Variants in USH2A observed in about 807,000 individuals in gnomAD.
USH2A encodes the protein usherin, also known as Usher syndrome 2A (autosomal recessive, mild).
Under a neutral mutation model 538.9 loss-of-function variants are expected in USH2A, and 443 were observed. That is an observed-to-expected ratio of 0.82 (90% CI 0.76 to 0.89). The LOEUF is 0.89. Ranked by LOEUF, USH2A falls within the 40% of genes least tolerant of loss-of-function variation. USH2A has a pLI of 0.00. For missense variants in USH2A, 6,633 were observed against 6,324.8 expected, an observed-to-expected ratio of 1.05 and a Z score of -1.65; for synonymous variants, 2,413 against 2,273.5, an observed-to-expected ratio of 1.06 and a Z score of -1.75.
chr1:216,267,128 C>A (rs2036488703), intron 11 of USH2A, among the ~76,000 whole-genome samples: 1 of 151,798 alleles, frequency 6.6e-6, no homozygotes. Flanking sequence ...AAGAGGAGGG[C>A]ACAGAAAAAG....
intron 60 of USH2A, among the ~76,000 whole-genome samples, chr1:215,736,935 A>G (rs999392471): frequency 9.2e-5 from 14 of 151,994 alleles, no homozygotes; most frequent in African/African-American, 3.4e-4. Flanking sequence ...TCTAGTAAAG[A>G]CAAATCCTCA....
At chr1:215,757,053 G>A (rs1475464083) in intron 58 of USH2A, among the ~76,000 whole-genome samples, 7 of 151,846 alleles carry the variant, frequency 4.6e-5, no homozygotes, top group Non-Finnish European at 7.4e-5. Flanking sequence ...TTCCTCTATC[G>A]AAATTAAGAA....
intron 43 of USH2A, among the ~76,000 whole-genome samples, chr1:215,874,730 G>A (rs1664713566): frequency 6.6e-6 from 1 of 152,116 alleles, no homozygotes; most frequent in Admixed American, 6.5e-5. Context: ...ATGTAACTAT[G>A]GTGATATTCA....
intron 37 of USH2A, among the ~76,000 whole-genome samples, chr1:215,958,390 C>A (rs1172586133): frequency 1.3e-5 from 2 of 152,150 alleles, no homozygotes; most frequent in Non-Finnish European, 2.9e-5. Flanking sequence ...TTTTTCGGAA[C>A]TGTAGTTAAA....
chr1:216,044,554 T>G (rs2030430236), intron 32 of USH2A, among the ~76,000 whole-genome samples: 1 of 152,142 alleles, frequency 6.6e-6, no homozygotes, highest in African/African-American at 2.4e-5. Context: ...GAACTCTGTG[T>G]TGTACAGGAG....
chr1:215,965,244 A>G (rs1056018109), intron 37 of USH2A, 73 bp downstream of exon 37: 8 of 1,514,324 alleles, frequency 5.3e-6, no homozygotes, highest in Middle Eastern at 4.2e-4. Context: ...GATTTTAGCC[A>G]AAAGAAAGAT....
intron 61 of USH2A, among the ~76,000 whole-genome samples, chr1:215,698,665 A>C (rs1230090234): frequency 2.6e-5 from 4 of 151,650 alleles, no homozygotes; most frequent in Non-Finnish European, 5.9e-5. Context: ...CTTTTTGATG[A>C]GGTTATTTGT....
In USH2A at chr1:215,624,226, C is replaced by G. The variant is rs771117507; in HGVS notation, c.*1555G>C. On this transcript the variant is annotated 3_prime_UTR_variant, in exon 72 of 72. Transcript: ENST00000307340. ...AAGGTGGTAGAACTTCTGCTTAATACTGGCCTGTGCTTTTGACACTTATGG... is the reference window on the plus strand; with the variant it reads ...AAGGTGGTAGAACTTCTGCTTAATAGTGGCCTGTGCTTTTGACACTTATGG... 4 of 152,134 alleles carry G rather than the reference C, an allele frequency of 2.6e-5. No individual in the cohort carries two copies. Among genetic ancestry groups the G allele is most frequent in the African/African-American group, 4.8e-5 (2 of 41,442 alleles). The allele number at this position is 152,134 out of a possible 1,614,324, so 9.4% of individuals were successfully genotyped here. A position where few individuals can be genotyped will look rare whatever the true frequency, so the allele number is the denominator to read the frequency against.
chr1:216,408,624 C>T (rs2102769707), intron 3 of USH2A, among the ~76,000 whole-genome samples: 1 of 152,178 alleles, frequency 6.6e-6, no homozygotes, highest in East Asian at 1.9e-4. Flanking sequence ...GATCTTTTCT[C>T]TTTCATTTGT....
chr1:216,333,945 A>G (rs1247730492), intron 4 of USH2A, among the ~76,000 whole-genome samples: 2 of 152,134 alleles, frequency 1.3e-5, no homozygotes, highest in East Asian at 3.9e-4. Context: ...GACTTGCTCT[A>G]CAAGAAATAC....
At chr1:215,835,164 C>CAA (rs34758891) in intron 47 of USH2A, among the ~76,000 whole-genome samples, 756 of 55,912 alleles carry the variant, frequency 0.014, 11 homozygotes, top group African/African-American at 0.024. Flanking sequence ...AGTGATGCAC[C>CAA]AAAAAAAAAA....
chr1:216,185,036 T>C (rs940417214), intron 20 of USH2A, among the ~76,000 whole-genome samples: 43 of 151,902 alleles, frequency 2.8e-4, no homozygotes, highest in African/African-American at 9.7e-4. Flanking sequence ...CAATTTGCAA[T>C]GGGTGGAAAT....
At chr1:216,310,882 T>C (rs544829182) in intron 9 of USH2A, among the ~76,000 whole-genome samples, 1 of 152,360 alleles carries the variant, frequency 6.6e-6, no homozygotes, top group South Asian at 2.1e-4. Context: ...AGTTTCCTAC[T>C]GCTGTTTTTC....
At chr1:216,181,139 T>C (rs1239703187) in intron 20 of USH2A, among the ~76,000 whole-genome samples, 1 of 152,116 alleles carries the variant, frequency 6.6e-6, no homozygotes, top group Non-Finnish European at 1.5e-5. Flanking sequence ...TACTAGAAGA[T>C]CTGGAAAGGA....
intron 21 of USH2A, among the ~76,000 whole-genome samples, chr1:216,103,166 T>C (rs1484343149): frequency 6.6e-6 from 1 of 152,210 alleles, no homozygotes; most frequent in East Asian, 1.9e-4. Flanking sequence ...TAATCCTGGC[T>C]GGGATTTAGA....
At position 216,199,887 on chromosome 1, in the gene USH2A, A is replaced by C; in HGVS notation, c.3551T>G (p.Leu1184Trp). 6.2e-7 allele frequency: 1 copy of C among 1,614,184 alleles called. No individual in the cohort carries two copies. The highest frequency in any genetic ancestry group is 2.2e-5 in the East Asian group (1 of 44,860). ...ACCACCAGCCAAAGGGGCACAGGAC[A>C]AAATATATTTCTCTATGGGACCAGA... is the stretch of plus-strand genomic sequence containing the variant. Reference protein sequence around the residue: ...NQSGPIEKYILSCAPLAGGQP... With the variant: ...NQSGPIEKYIWSCAPLAGGQP... The change falls in exon 17 of 72, where the codon TTG (leucine) becomes TGG (tryptophan). Residue 1184 changes from leucine to tryptophan, a missense_variant. Physicochemically the swap from Leu to Trp is moderately conservative, Grantham distance 61. Coordinates refer to ENST00000307340, the MANE Select transcript of USH2A (RefSeq NM_206933.4).
chr1:215,789,701 A>C (rs1045506031), intron 51 of USH2A, among the ~76,000 whole-genome samples: 1 of 152,134 alleles, frequency 6.6e-6, no homozygotes, highest in African/African-American at 2.4e-5. Context: ...TAGGGAGAAG[A>C]AGCGGGAATT....
intron 50 of USH2A, among the ~76,000 whole-genome samples, chr1:215,792,486 CTG>C (rs1281394502): frequency 6.6e-6 from 1 of 152,172 alleles, no homozygotes; most frequent in African/African-American, 2.4e-5. Flanking sequence ...CACAGATAAA[CTG>C]TGACAGTGCC....
intron 52 of USH2A, among the ~76,000 whole-genome samples, chr1:215,783,520 C>A (rs573055859): frequency 6.6e-6 from 1 of 152,064 alleles, no homozygotes; most frequent in African/African-American, 2.4e-5. Flanking sequence ...AAATACAAAC[C>A]AACCAACTTT....
Sources: gnomAD v4.1 joint callset for allele counts (sites outside exome capture counted in the v4.1 genomes callset) on GRCh38, gnomAD v4.1.1 for gene constraint, MANE v1.5 for transcripts, NCBI Gene and HGNC (gene_info 2026-07-23, HGNC 2026-07-21) for gene names.